Variants in SH3TC2 observed in about 807,000 individuals in gnomAD.
The protein encoded by SH3TC2 is SH3 domain and tetratricopeptide repeats 2, also known as SH3 domain and tetratricopeptide repeat-containing protein 2.
A neutral mutation model predicts 124.5 loss-of-function variants in SH3TC2; 87 were observed. The ratio of observed to expected loss-of-function variants is 0.70; its 90% confidence interval spans 0.59 to 0.84. The LOEUF is 0.84. SH3TC2 is among the 40% of genes least tolerant of loss of function. The pLI is 0.00. For synonymous variants in SH3TC2, 634 were observed against 628.5 expected, an observed-to-expected ratio of 1.01 and a Z score of -0.13; for missense variants, 1,536 against 1,566.4, an observed-to-expected ratio of 0.98 and a Z score of 0.33.
At chr5:149,010,776 T>C (rs113274298) in intron 13 of SH3TC2, among the ~76,000 whole-genome samples, 8 of 152,286 alleles carry the variant, frequency 5.3e-5, no homozygotes, top group African/African-American at 1.9e-4. Context: ...GTTGATTTGA[T>C]GTTGAGTCAA....
intron 3 of SH3TC2, chr5:149,047,336 A>G (rs907530642): frequency 1.2e-5 from 2 of 161,642 alleles, no homozygotes; most frequent in African/African-American, 4.8e-5. Flanking sequence ...GAGCTGAGAC[A>G]TGGGGATAAT....
At chr5:149,062,934 G>T (rs375870843) in intron 1 of SH3TC2, 37 bp downstream of exon 1, 143 of 1,561,572 alleles carry the variant, frequency 9.2e-5, no homozygotes, top group Non-Finnish European at 1.2e-4. Context: ...ATCCACTTTG[G>T]CCAAGCCACA....
chr5:149,028,519 C>T lies in SH3TC2; in HGVS notation c.1213G>A (p.Gly405Ser). 6.2e-7 allele frequency: 1 copy of T among 1,613,870 alleles called. No individual in the cohort carries two copies. The highest frequency in any genetic ancestry group is 8.5e-7 in the Non-Finnish European group (1 of 1,179,822). Residue 405 changes from glycine to serine, a missense_variant, in exon 11 of 17, where the codon GGC becomes AGC. Gly to Ser is a moderately conservative substitution (Grantham distance 56). This residue lies in a region of SH3TC2 where 1,102 missense variants were observed against 1,098.6 expected (regional missense o/e 1.00). Transcript: ENST00000515425. Reference sequence around the variant, plus strand: ...GCCTGATGCTCCTCCCAGGCTCTGCCAGGCCTGACCTCCTTGAAACCTTCA... The same window carrying T: ...GCCTGATGCTCCTCCCAGGCTCTGCTAGGCCTGACCTCCTTGAAACCTTCA... ...QPEGFKEVRP[G>S]RAWEEHQAVG... is the part of the protein sequence containing the mutation.
At chr5:149,007,965 T>G (rs889548989) in intron 15 of SH3TC2, 26 of 152,366 alleles carry the variant, frequency 1.7e-4, no homozygotes, top group African/African-American at 6.0e-4. Flanking sequence ...GGATAAAGAG[T>G]GCTCAGAGGA....
Position 148,994,409 on chromosome 5 carries a change from A to G in SH3TC2, c.*10302T>C, listed in dbSNP as rs1297304201. Among the ~76,000 whole-genome samples, 1 of 152,256 alleles carries G rather than the reference A, an allele frequency of 6.6e-6. No individual in the cohort carries two copies. Among genetic ancestry groups the G allele is most frequent in the Non-Finnish European group, 1.5e-5 (1 of 68,048 alleles). On this transcript the variant is annotated 3_prime_UTR_variant, in exon 17 of 17. Transcript: ENST00000515425. ...GTTTGAGGTAAAAGTGCTCAAATCT[A>G]AGCTGTGATGGTAAGAATAATAGGT...
In SH3TC2 at chr5:149,028,421, G is replaced by T. The variant is rs749587305; in HGVS notation, c.1311C>A (p.Asp437Glu). 18 of 1,613,706 alleles carry T rather than the reference G, an allele frequency of 1.1e-5. No individual in the cohort carries two copies. The South Asian group carries it at 1.8e-4, about 16-fold the overall frequency. ...CATCAGGCTCCGGCAGGCGATAGCT[G>T]TCTGAGGTGGCCGAGAGGAGCTCCT... ...LEEELLSATS[D>E]SYRLPEPDDL... The change falls in exon 11 of 17, where the codon GAC (aspartate) becomes GAA (glutamate). Residue 437 changes from aspartate (D) to glutamate (E), a missense_variant. Physicochemically the swap from Asp to Glu is conservative, Grantham distance 45. This residue lies in a region of SH3TC2 where 1,102 missense variants were observed against 1,098.6 expected (regional missense o/e 1.00). Transcript: ENST00000515425.
rs139192433 is a variant in SH3TC2, at chr5:149,008,949, C to T, written c.3380G>A (p.Arg1127Gln). ...RRLKAVRTEL[R>Q]IFNKLTELQI... ...CAGCTCTGTCAGCTTATTGAAAATCCGGAGCTCAGTTCTCACCGCCTTCAA... is the reference window on the plus strand; with the variant it reads ...CAGCTCTGTCAGCTTATTGAAAATCTGGAGCTCAGTTCTCACCGCCTTCAA... Residue 1127 changes from arginine (R) to glutamine (Q), a missense_variant, in exon 15 of 17, where the codon CGG becomes CAG. By Grantham distance (43) the Arg-to-Gln change is conservative. Coordinates refer to ENST00000515425, the MANE Select transcript of SH3TC2 (RefSeq NM_024577.4). The T allele has an allele frequency of 2.0e-3, 3,172 of 1,614,198 alleles. 7 individuals carry two copies. Among genetic ancestry groups the T allele is most frequent in the Non-Finnish European group, 2.6e-3 (3,044 of 1,180,040 alleles).
In SH3TC2 at chr5:148,996,811, G is replaced by A. The variant is rs1293903751; in HGVS notation, c.*7900C>T. 1.3e-5 allele frequency among the ~76,000 whole-genome samples: 2 copies of A among 152,194 alleles called. No homozygotes were observed. The highest frequency in any genetic ancestry group is 2.9e-5 in the Non-Finnish European group (2 of 68,020). On this transcript the variant is annotated 3_prime_UTR_variant, in exon 17 of 17. Transcript: ENST00000515425. ...AGATCAAGTAGCTGAGAGTCATACA[G>A]ATCATGTTTAACTATGGTCCGCTAG...
rs887472185 is a variant in SH3TC2, at chr5:149,003,101, T to C, written c.*1610A>G. 3 of 152,268 alleles carry C rather than the reference T, an allele frequency of 2.0e-5. No individual in the cohort carries two copies. Among genetic ancestry groups the C allele is most frequent in the Non-Finnish European group, 4.4e-5 (3 of 68,030 alleles). The allele number at this position is 152,268 out of a possible 1,614,324, so 9.4% of individuals were successfully genotyped here. On this transcript the variant is annotated 3_prime_UTR_variant, in exon 17 of 17. Coordinates refer to ENST00000515425, the MANE Select transcript of SH3TC2 (RefSeq NM_024577.4). The stretch of plus-strand genomic sequence containing the variant: ...TTTCAGTTTGCTGAAATTAGAGAAT[T>C]CCCAATTTCATTATCAAAGAACTCA...
Position 149,002,539 on chromosome 5 carries a change from G to A in SH3TC2, c.*2172C>T, listed in dbSNP as rs1366808739. On this transcript the variant is annotated 3_prime_UTR_variant, in exon 17 of 17. Transcript: ENST00000515425. Reference sequence around the variant, plus strand: ...AAGAGAAAATGTGTGCCAATTAGTAGACAACCTTGATGACTAGAAGATGCA... The same window carrying A: ...AAGAGAAAATGTGTGCCAATTAGTAAACAACCTTGATGACTAGAAGATGCA... The A allele has an allele frequency of 6.6e-6, 1 of 152,198 alleles. No individual in the cohort carries two copies. The highest frequency in any genetic ancestry group is 1.9e-4 in the East Asian group (1 of 5,198). 9.4% of individuals were successfully genotyped at this position (152,198 alleles called of 1,614,324 possible). A position where few individuals can be genotyped will look rare whatever the true frequency, so the allele number is the denominator to read the frequency against.
At chr5:149,010,990 T>A (rs1753774702) in intron 13 of SH3TC2, among the ~76,000 whole-genome samples, 3 of 152,218 alleles carry the variant, frequency 2.0e-5, no homozygotes, top group African/African-American at 7.2e-5. Flanking sequence ...GTGTCTTCCA[T>A]CCCAGTACCC....
At chr5:149,013,577 G>T (rs1454080129) in intron 12 of SH3TC2, among the ~76,000 whole-genome samples, 1 of 152,136 alleles carries the variant, frequency 6.6e-6, no homozygotes, top group Non-Finnish European at 1.5e-5. Context: ...TCATCGAAAA[G>T]ATTTTGATGT....
intron 7 of SH3TC2, among the ~76,000 whole-genome samples, chr5:149,039,518 G>C (rs1754334692): frequency 1.3e-5 from 2 of 152,178 alleles, no homozygotes; most frequent in East Asian, 1.9e-4. Flanking sequence ...TTTTGGTCAA[G>C]TTTCTAGATT....
rs1753311837 is a variant in SH3TC2 at position 148,985,073 on chromosome 5, A to G, written c.*19638T>C. 6.6e-6 allele frequency among the ~76,000 whole-genome samples: 1 copy of G among 152,084 alleles called. No individual in the cohort carries two copies. Among genetic ancestry groups the G allele is most frequent in the African/African-American group, 2.4e-5 (1 of 41,434 alleles). ...GGTTAACTGAGACTCTTCTTGATAGAACTTTTATTGGTTCTGACTCCACTT... is the reference window on the plus strand; with the variant it reads ...GGTTAACTGAGACTCTTCTTGATAGGACTTTTATTGGTTCTGACTCCACTT... On this transcript the variant is annotated 3_prime_UTR_variant, in exon 17 of 17. Coordinates refer to ENST00000515425, the MANE Select transcript of SH3TC2 (RefSeq NM_024577.4).
In SH3TC2 at chr5:148,984,324, T is replaced by C; in HGVS notation, c.*20387A>G. 6.6e-6 allele frequency among the ~76,000 whole-genome samples: 1 copy of C among 152,192 alleles called. No individual in the cohort carries two copies. Reference sequence around the variant, plus strand: ...TTGAACCTACTGTTGAAGCTTTCTATTGAATTTTTCAGTTTATTCATTATA... The same window carrying C: ...TTGAACCTACTGTTGAAGCTTTCTACTGAATTTTTCAGTTTATTCATTATA... On this transcript the variant is annotated 3_prime_UTR_variant, in exon 17 of 17. Coordinates refer to ENST00000515425, the MANE Select transcript of SH3TC2 (RefSeq NM_024577.4).
At chr5:149,030,579 G>A (rs939657979) in intron 9 of SH3TC2, among the ~76,000 whole-genome samples, 5 of 152,224 alleles carry the variant, frequency 3.3e-5, no homozygotes, top group African/African-American at 1.2e-4. Flanking sequence ...ACCTCATAAG[G>A]CAATATGATC....
At chr5:149,025,358 G>A (rs901184114) in intron 12 of SH3TC2, among the ~76,000 whole-genome samples, 23 of 152,168 alleles carry the variant, frequency 1.5e-4, no homozygotes, top group African/African-American at 5.1e-4. Flanking sequence ...TTCATTATCT[G>A]ATTATTCCTT....
intron 8 of SH3TC2, among the ~76,000 whole-genome samples, chr5:149,032,657 G>A (rs942824383): frequency 1.4e-4 from 21 of 152,110 alleles, no homozygotes; most frequent in African/African-American, 4.3e-4. Context: ...TTTTACAGAC[G>A]AATAAACTGA....
Position 149,027,444 on chromosome 5 carries a change from A to T in SH3TC2, c.2288T>A (p.Leu763His). ...RSTQRALCLI[L>H]SKVYLEHRSP... ...CCTGTGCTCGAGGTACACTTTGGAA[A>T]GGATGAGACACAGGGCCCTCTGGGT... Residue 763 changes from leucine to histidine, a missense_variant, in exon 11 of 17, where the codon CTT becomes CAT. Leu to His is a moderately conservative substitution (Grantham distance 99). Around this residue, in one of 3 missense-constraint regions of SH3TC2, gnomAD observed 1,102 missense variants for 1,098.6 expected, o/e 1.00. Coordinates refer to ENST00000515425, the MANE Select transcript of SH3TC2 (RefSeq NM_024577.4). 2 of 1,614,196 alleles carry T rather than the reference A, an allele frequency of 1.2e-6. No individual in the cohort carries two copies. The highest frequency in any genetic ancestry group is 1.7e-6 in the Non-Finnish European group (2 of 1,180,054).
Sources: allele counts gnomAD v4.1 joint callset (sites outside exome capture counted in the v4.1 genomes callset), GRCh38; gene constraint gnomAD v4.1.1; regional missense constraint gnomAD v4.1.1; transcripts MANE v1.5; gene names NCBI Gene and HGNC (gene_info 2026-07-23, HGNC 2026-07-21).